ZNF66: variants seen among roughly 807,000 people sequenced by gnomAD.
The protein encoded by ZNF66 is zinc finger protein 66, also known as putative zinc finger protein 66.
A neutral mutation model predicts 35.2 loss-of-function variants in ZNF66; 32 were observed. The observed-to-expected ratio is 0.91, with a 90% confidence interval of 0.69 to 1.22. The LOEUF is 1.22. ZNF66 is among the 50% of genes most tolerant of loss of function. The pLI is 0.00. For missense variants in ZNF66, 666 were observed against 543.1 expected (o/e 1.23, Z -2.25); for synonymous variants, 231 against 181.3 (o/e 1.27, Z -2.20).
intron 1 of ZNF66, among the ~76,000 whole-genome samples, chr19:20,780,531 T>C (rs1971236292): frequency 6.6e-6 from 1 of 151,162 alleles, no homozygotes; most frequent in African/African-American, 2.4e-5. Flanking sequence ...CATGGGGTTT[T>C]TGACTGGCAT....
At chr19:20,777,985 A>AT (rs1466741665) in intron 1 of ZNF66, among the ~76,000 whole-genome samples, 1 of 152,040 alleles carries the variant, frequency 6.6e-6, no homozygotes, top group African/African-American at 2.4e-5. Flanking sequence ...TGCAGGGTAA[A>AT]TTTTTTCTAT....
At chr19:20,799,873 TG>T (rs1971432332) in intron 3 of ZNF66, among the ~76,000 whole-genome samples, 1 of 152,222 alleles carries the variant, frequency 6.6e-6, no homozygotes, top group Admixed American at 6.5e-5. Context: ...AAATAAAATT[TG>T]TTGCCCCCTG....
intron 1 of ZNF66, among the ~76,000 whole-genome samples, chr19:20,781,879 A>G (rs2144891855): frequency 6.6e-6 from 1 of 151,182 alleles, no homozygotes; most frequent in East Asian, 1.9e-4. Flanking sequence ...ATTTTTTTTT[A>G]ATGGCCACAG....
At position 20,809,203 on chromosome 19, in the gene ZNF66, A is replaced by C. The variant is rs1971561620; in HGVS notation, c.*1881A>C. ...TGTGAAAAGACCAAATCTACCTCTG[A>C]TTGGTGTACCTGAAAGTGAGGGGGA... On this transcript the variant is annotated 3_prime_UTR_variant, in exon 4 of 4. Transcript: ENST00000344519. Among the ~76,000 whole-genome samples the C allele has an allele frequency of 6.6e-6, 1 of 152,208 alleles. No homozygotes were observed. The highest frequency in any genetic ancestry group is 2.4e-5 in the African/African-American group (1 of 41,462).
intron 1 of ZNF66, among the ~76,000 whole-genome samples, chr19:20,777,816 A>C (rs1414520827): frequency 6.6e-6 from 1 of 151,912 alleles, no homozygotes; most frequent in African/African-American, 2.4e-5. Context: ...AGTAGAGATG[A>C]GGTTTCACCA....
intron 1 of ZNF66, among the ~76,000 whole-genome samples, chr19:20,790,722 A>T (rs1051660913): frequency 2.7e-5 from 4 of 149,928 alleles, no homozygotes; most frequent in Non-Finnish European, 5.9e-5. Flanking sequence ...TCATCTGAGA[A>T]GGAATTCCAG....
rs565916951 is a variant in ZNF66, at chr19:20,783,753, A to G, written c.3+7303A>G. Among the ~76,000 whole-genome samples the G allele has an allele frequency of 6.4e-4, 98 of 152,376 alleles. No homozygotes were observed. In the South Asian group the frequency reaches 0.019, roughly 30 times the overall value. ...AAGAACAGTTCAATGCATGAACTCA[A>G]CAGTGGAATCTGTAGTTGTACCTTG... On this transcript the variant is annotated intron_variant, in intron 1 of 3. Transcript: ENST00000344519.
In ZNF66 at chr19:20,806,927, CATAAG is replaced by C. The variant is rs1568501964; in HGVS notation, c.1332_1336del (p.Lys444AsnfsTer11). On this transcript the variant is annotated frameshift_variant, in exon 4 of 4. Coordinates refer to ENST00000344519, the MANE Select transcript of ZNF66 (RefSeq NM_001355197.2). LOFTEE classifies it high-confidence loss of function. ...CAGTCGGTCCTCTATTCTTACTACA[CATAAG>C]ATAATTCACACTGGAGAGAAACCCT... is the stretch of plus-strand genomic sequence containing the variant. 5 of 1,203,510 alleles carry C rather than the reference CATAAG, an allele frequency of 4.2e-6. No homozygotes were observed. The highest frequency in any genetic ancestry group is 6.2e-6 in the Non-Finnish European group (5 of 807,372). The allele number at this position is 1,203,510 out of a possible 1,614,324, so 74.6% of individuals were successfully genotyped here.
intron 1 of ZNF66, among the ~76,000 whole-genome samples, chr19:20,786,398 C>T (rs879441045): frequency 4.6e-5 from 7 of 152,172 alleles, no homozygotes; most frequent in African/African-American, 1.7e-4. Flanking sequence ...AATATGGAGC[C>T]CAGAAACCCA....
intron 3 of ZNF66, among the ~76,000 whole-genome samples, chr19:20,805,592 G>A (rs187453014): frequency 1.0e-3 from 153 of 151,826 alleles, no homozygotes; most frequent in African/African-American, 3.6e-3. Context: ...GTGGCTCTTT[G>A]CATTGTACTC....
intron 3 of ZNF66, among the ~76,000 whole-genome samples, chr19:20,796,995 C>T (rs1181642502): frequency 2.0e-5 from 3 of 151,954 alleles, no homozygotes; most frequent in Non-Finnish European, 4.4e-5. Flanking sequence ...GGGTTACAGG[C>T]ATGTGTCACC....
intron 3 of ZNF66, among the ~76,000 whole-genome samples, chr19:20,799,744 C>CGGAAG (rs1568498980): frequency 4.6e-5 from 7 of 152,138 alleles, no homozygotes; most frequent in Non-Finnish European, 7.3e-5. Flanking sequence ...ATCATTTGAT[C>CGGAAG]ATATACAGAA....
intron 1 of ZNF66, among the ~76,000 whole-genome samples, chr19:20,784,438 T>G (rs1194652176): frequency 1.3e-5 from 2 of 152,182 alleles, no homozygotes; most frequent in Admixed American, 6.6e-5. Flanking sequence ...AAACACAATT[T>G]AGGTATCTTT....
chr19:20,794,855 A>C (rs1178317869), intron 3 of ZNF66, among the ~76,000 whole-genome samples: 1 of 143,198 alleles, frequency 7.0e-6, no homozygotes, highest in Non-Finnish European at 1.5e-5. Context: ...AAATTGTGTG[A>C]TTTACAACCA....
intron 1 of ZNF66, among the ~76,000 whole-genome samples, chr19:20,791,940 T>C (rs992828569): frequency 6.6e-5 from 10 of 152,308 alleles, no homozygotes; most frequent in Admixed American, 4.6e-4. Context: ...TTTTCTTTTT[T>C]TCTACATATT....
chr19:20,791,916 T>C (rs1971341690), intron 1 of ZNF66, among the ~76,000 whole-genome samples: 2 of 152,206 alleles, frequency 1.3e-5, no homozygotes, highest in Non-Finnish European at 2.9e-5. Flanking sequence ...TCATTTAATC[T>C]GGCAGCTGTT....
intron 1 of ZNF66, among the ~76,000 whole-genome samples, chr19:20,778,455 G>C (rs1006458555): frequency 6.6e-6 from 1 of 152,176 alleles, no homozygotes; most frequent in African/African-American, 2.4e-5. Context: ...TCTGAAAGAA[G>C]TAGATATATA....
Position 20,808,794 on chromosome 19 carries a change from C to T in ZNF66, c.*1472C>T, listed in dbSNP as rs1971554810. Among the ~76,000 whole-genome samples, 1 of 125,218 alleles carries T rather than the reference C, an allele frequency of 8.0e-6. No individual in the cohort carries two copies. The highest frequency in any genetic ancestry group is 3.0e-5 in the African/African-American group (1 of 33,512). The allele number at this position is 125,218 out of a possible 152,430, so 82.1% of individuals were successfully genotyped here. A position where few individuals can be genotyped will look rare whatever the true frequency, so the allele number is the denominator to read the frequency against. ...AAGTCTAAAAAGCAGAGCACCTCTC[C>T]TCCTCCAAAGGAACACAGTTCCCCA... On this transcript the variant is annotated 3_prime_UTR_variant, in exon 4 of 4. Coordinates refer to ENST00000344519, the MANE Select transcript of ZNF66 (RefSeq NM_001355197.2).
At chr19:20,791,499 A>AAAG (rs1971337293) in intron 1 of ZNF66, among the ~76,000 whole-genome samples, 1 of 151,550 alleles carries the variant, frequency 6.6e-6, no homozygotes, top group Non-Finnish European at 1.5e-5. Flanking sequence ...AAAAAAAAAA[A>AAAG]AAAAAAGAAA....
Sources: allele counts gnomAD v4.1 joint callset (sites outside exome capture counted in the v4.1 genomes callset), GRCh38; gene constraint gnomAD v4.1.1; transcripts MANE v1.5; gene names NCBI Gene and HGNC (gene_info 2026-07-23, HGNC 2026-07-21).